DLGAP2: variants seen among roughly 807,000 people sequenced by gnomAD.
DLGAP2 encodes the protein disks large-associated protein 2.
In DLGAP2, 26 loss-of-function variants were observed where a neutral mutation model predicts 100.3. The ratio of observed to expected loss-of-function variants is 0.26; its 90% CI spans 0.19 to 0.36. DLGAP2 has a LOEUF of 0.36. Among genes scored for constraint, DLGAP2 ranks in the 10% least tolerant of loss-of-function variants. The probability of loss-of-function intolerance (pLI) is 1.00; values close to 1 mark genes in which losing one functional copy is unlikely to be tolerated. For synonymous variants in DLGAP2, 886 were observed against 630.1 expected (o/e 1.41, Z -6.08); for missense variants, 1,858 against 1,453.2 (o/e 1.28, Z -4.53).
At chr8:1,444,549 C>A (rs1017543933) in intron 3 of DLGAP2, among the ~76,000 whole-genome samples, 3 of 152,006 alleles carry the variant, frequency 2.0e-5, no homozygotes, top group African/African-American at 7.2e-5. Context: ...GACAGTGTGC[C>A]TGATCCTTCA....
intron 2 of DLGAP2, among the ~76,000 whole-genome samples, chr8:1,007,638 G>GA: frequency 7.1e-6 from 1 of 141,510 alleles, no homozygotes; most frequent in South Asian, 2.3e-4. Flanking sequence ...TTTTTTTTGG[G>GA]GGGGGGATCT....
rs1799646170 is a variant in DLGAP2, at chr8:1,704,231, A to G, written c.*2825A>G. The G allele has an allele frequency of 6.6e-6, 1 of 152,326 alleles. No individual in the cohort carries two copies. The highest frequency in any genetic ancestry group is 1.5e-5 in the Non-Finnish European group (1 of 68,044). The allele number at this position is 152,326 out of a possible 1,614,324, so 9.4% of individuals were successfully genotyped here. A position where few individuals can be genotyped will look rare whatever the true frequency, so the allele number is the denominator to read the frequency against. On this transcript the variant is annotated 3_prime_UTR_variant, in exon 15 of 15. Coordinates refer to ENST00000637795, the MANE Select transcript of DLGAP2 (RefSeq NM_001346810.2). ...AACTTCAAGAAAAGAGTAAACATCC[A>G]TTGGAGAACACGGCTGAAAATTATT...
intron 3 of DLGAP2, among the ~76,000 whole-genome samples, chr8:1,500,513 T>A (rs917349544): frequency 1.4e-5 from 2 of 143,286 alleles, no homozygotes; most frequent in African/African-American, 5.3e-5. Context: ...CTCTGCAGCC[T>A]GGTAGAAACC....
At chr8:1,537,438 C>G (rs1039980564) in intron 4 of DLGAP2, among the ~76,000 whole-genome samples, 2 of 152,056 alleles carry the variant, frequency 1.3e-5, no homozygotes, top group Admixed American at 6.5e-5. Flanking sequence ...TCTGCCAAAC[C>G]CTTCCCTGAT....
intron 3 of DLGAP2, chr8:1,302,419 G>A (rs891241305): frequency 1.6e-5 from 2 of 122,480 alleles, no homozygotes; most frequent in Non-Finnish European, 3.6e-5. Context: ...GTGAGTTCCC[G>A]AGCTCTGCTC....
At chr8:913,749 A>G (rs1563092700) in intron 2 of DLGAP2, among the ~76,000 whole-genome samples, 1 of 152,266 alleles carries the variant, frequency 6.6e-6, no homozygotes, top group Non-Finnish European at 1.5e-5. Context: ...TGCCTCAGAT[A>G]CAGGTTTGCG....
intron 3 of DLGAP2, among the ~76,000 whole-genome samples, chr8:1,271,243 C>T (rs1799576372): frequency 6.6e-6 from 1 of 152,190 alleles, no homozygotes; most frequent in Non-Finnish European, 1.5e-5. Flanking sequence ...ATCCAGCTTT[C>T]TCCACCCAGC....
rs1563035098 is a variant in DLGAP2 at position 795,917 on chromosome 8, A to ACAGGCGTCCAGTGATAG, written c.18+58106_18+58107insTAGCAGGCGTCCAGTGA. On this transcript the variant is annotated intron_variant, in intron 1 of 14. Coordinates refer to ENST00000637795, the MANE Select transcript of DLGAP2 (RefSeq NM_001346810.2). ...CAGTGAGAGCAGCTGTCCAGTGAGA[A>ACAGGCGTCCAGTGATAG]CAGGCGTCCAGTGAGAGCAGGCGTC... 8.8e-3 allele frequency among the ~76,000 whole-genome samples: 79 copies of ACAGGCGTCCAGTGATAG among 9,022 alleles called. 2 individuals are homozygous for ACAGGCGTCCAGTGATAG. The highest frequency in any genetic ancestry group is 0.044 in the African/African-American group (77 of 1,764). The allele number at this position is 9,022 out of a possible 152,430, so 5.9% of individuals were successfully genotyped here. A position where few individuals can be genotyped will look rare whatever the true frequency, so the allele number is the denominator to read the frequency against.
At chr8:1,005,119 C>A (rs994707451) in intron 2 of DLGAP2, among the ~76,000 whole-genome samples, 1 of 152,178 alleles carries the variant, frequency 6.6e-6, no homozygotes, top group African/African-American at 2.4e-5. Flanking sequence ...AAGAAAAGAT[C>A]GAAAGTAGTG....
At chr8:1,255,130 CGGGCGCT>C (rs1799162456) in intron 2 of DLGAP2, among the ~76,000 whole-genome samples, 1 of 109,532 alleles carries the variant, frequency 9.1e-6, no homozygotes, top group African/African-American at 3.8e-5. Context: ...CTCTCCTGCC[CGGGCGCT>C]GAGTGTGTGT....
intron 6 of DLGAP2, among the ~76,000 whole-genome samples, chr8:1,605,420 C>A (rs11998549): frequency 1.1e-4 from 17 of 152,112 alleles, no homozygotes; most frequent in African/African-American, 3.9e-4. Context: ...ATTCCCCTGA[C>A]GTCTTCTGTT....
At chr8:1,299,356 A>G (rs961194329) in intron 3 of DLGAP2, among the ~76,000 whole-genome samples, 1 of 152,224 alleles carries the variant, frequency 6.6e-6, no homozygotes, top group Non-Finnish European at 1.5e-5. Flanking sequence ...GGAATAAACA[A>G]GTGTGAAATC....
intron 2 of DLGAP2, among the ~76,000 whole-genome samples, chr8:1,194,851 C>T (rs1221301910): frequency 1.3e-5 from 2 of 152,320 alleles, no homozygotes; most frequent in East Asian, 1.9e-4. Context: ...GGGTTCTTCG[C>T]TCAGTCTCAG....
At chr8:956,597 C>G (rs1330447493) in intron 2 of DLGAP2, among the ~76,000 whole-genome samples, 6 of 152,342 alleles carry the variant, frequency 3.9e-5, no homozygotes, top group African/African-American at 9.6e-5. Context: ...CATCAAAACA[C>G]CCCTGAAACC....
intron 3 of DLGAP2, among the ~76,000 whole-genome samples, chr8:1,449,832 TGTGA>T (rs1798091479): frequency 2.1e-5 from 3 of 139,686 alleles, no homozygotes; most frequent in East Asian, 2.2e-4. Flanking sequence ...CCTCGGTGGC[TGTGA>T]CTGTAGCGGA....
chr8:1,683,195 C>G (rs1307987877), intron 12 of DLGAP2, among the ~76,000 whole-genome samples: 1 of 151,606 alleles, frequency 6.6e-6, no homozygotes, highest in Middle Eastern at 3.2e-3. Context: ...GAGGTCTCAG[C>G]AATGCTTTCA....
At chr8:1,020,761 C>G (rs910667993) in intron 2 of DLGAP2, among the ~76,000 whole-genome samples, 6 of 152,162 alleles carry the variant, frequency 3.9e-5, no homozygotes, top group African/African-American at 1.2e-4. Flanking sequence ...GCACAGAACC[C>G]AGGGCACAGA....
At chr8:1,047,167 A>G (rs1451284665) in intron 2 of DLGAP2, among the ~76,000 whole-genome samples, 2 of 152,198 alleles carry the variant, frequency 1.3e-5, no homozygotes, top group Non-Finnish European at 2.9e-5. Flanking sequence ...CAGACCCTGG[A>G]AAACACCAGC....
At position 1,588,241 on chromosome 8, in the gene DLGAP2, C is replaced by G. The variant is rs140334621; in HGVS notation, c.1442+22347C>G. ...CATGCAAGGCTTTCTGTTCATGTCT[C>G]TTAATCTAATGGCTATTGAAGGTGC... On this transcript the variant is annotated intron_variant, in intron 6 of 14. Transcript: ENST00000637795. Among the ~76,000 whole-genome samples the G allele has an allele frequency of 4.8e-3, 723 of 152,184 alleles. 7 individuals carry two copies. The highest frequency in any genetic ancestry group is 0.016 in the African/African-American group (683 of 41,504).
Sources: allele counts gnomAD v4.1 joint callset (sites outside exome capture counted in the v4.1 genomes callset), GRCh38; gene constraint gnomAD v4.1.1; transcripts MANE v1.5; gene names NCBI Gene and HGNC (gene_info 2026-07-23, HGNC 2026-07-21).